Variants in GLI3 observed in about 807,000 individuals in gnomAD.
The protein encoded by GLI3 is transcription activator GLI3.
Under a neutral mutation model 100.8 loss-of-function variants are expected in GLI3, and 20 were observed. The observed-to-expected ratio is 0.20, with a 90% CI of 0.14 to 0.29. The LOEUF (loss-of-function observed/expected upper bound fraction) is 0.29, where lower values mean the gene tolerates loss of function less well. Among genes scored for constraint, GLI3 ranks in the 10% least tolerant of loss-of-function variants. The pLI is 1.00. For missense variants in GLI3, 2,040 were observed against 2,128.5 expected, an observed-to-expected ratio of 0.96 and a Z score of 0.82; for synonymous variants, 938 against 860.5, an observed-to-expected ratio of 1.09 and a Z score of -1.58.
intron 7 of GLI3, among the ~76,000 whole-genome samples, chr7:42,034,614 A>C (rs1419505210): frequency 6.6e-6 from 1 of 151,754 alleles, no homozygotes; most frequent in Admixed American, 6.6e-5. Flanking sequence ...TACTCCTCCC[A>C]CCTCAGGGCC....
intron 6 of GLI3, among the ~76,000 whole-genome samples, chr7:42,042,773 T>C (rs1195435869): frequency 1.3e-5 from 2 of 152,182 alleles, no homozygotes; most frequent in African/African-American, 4.8e-5. Context: ...CTGGAACCTT[T>C]CCTCTCTGTG....
chr7:42,076,868 G>A lies in GLI3; in HGVS notation c.368-11C>T, dbSNP rs756323364. The A allele has an allele frequency of 6.6e-7, 1 of 1,505,266 alleles. No individual in the cohort carries two copies. Among genetic ancestry groups the A allele is most frequent in the South Asian group, 1.1e-5 (1 of 88,818 alleles). The allele number at this position is 1,505,266 out of a possible 1,614,324, so 93.2% of individuals were successfully genotyped here. On this transcript the variant is annotated splice_polypyrimidine_tract_variant and intron_variant, in intron 3 of 14. Transcript: ENST00000395925. ...AAAGATGAGGAGGGTCTGAAAAGAA[G>A]AGAGAGCCCAATCTATATCAAATGA...
chr7:42,046,952 T>C lies in GLI3; in HGVS notation c.680-1422A>G, dbSNP rs529743502. Reference sequence around the variant, plus strand: ...GGGTAGATCGCTTGAGCTCAGGAGTTTGAGACCAGCATGGGCAACATGGCG... The same window carrying C: ...GGGTAGATCGCTTGAGCTCAGGAGTCTGAGACCAGCATGGGCAACATGGCG... On this transcript the variant is annotated intron_variant, in intron 5 of 14. Coordinates refer to ENST00000395925, the MANE Select transcript of GLI3 (RefSeq NM_000168.6). Among the ~76,000 whole-genome samples, 5 of 152,210 alleles carry C rather than the reference T, an allele frequency of 3.3e-5. No homozygotes were observed. The South Asian group carries it at 8.3e-4, about 25-fold the overall frequency.
rs193053365 is a variant in GLI3, at chr7:41,965,933, T to G, written c.3140A>C (p.Gln1047Pro). The G allele has an allele frequency of 5.0e-6, 8 of 1,613,048 alleles. No individual in the cohort carries two copies. The African/African-American group carries it at 1.1e-4, about 21-fold the overall frequency. The change falls in exon 15 of 15, where the codon CAG becomes CCG. Residue 1047 changes from glutamine to proline, a missense_variant. Gln to Pro is a moderately conservative substitution (Grantham distance 76, BLOSUM62 -1). Coordinates refer to ENST00000395925, the MANE Select transcript of GLI3 (RefSeq NM_000168.6). Reference sequence around the variant, plus strand: ...GCCGCCCTCGGGCCGCGTGTAATTCTGAAGCACGAGACTGCGCTTCTCCGC... The same window carrying G: ...GCCGCCCTCGGGCCGCGTGTAATTCGGAAGCACGAGACTGCGCTTCTCCGC... ...TSAEKRSLVL[Q>P]NYTRPEGGQS...
chr7:42,204,600 T>C (rs1406474521), intron 2 of GLI3, among the ~76,000 whole-genome samples: 1 of 152,174 alleles, frequency 6.6e-6, no homozygotes, highest in Non-Finnish European at 1.5e-5. Flanking sequence ...TCAATAAGTG[T>C]TTGTTGACTA....
At chr7:42,079,138 T>C (rs1326309597) in intron 3 of GLI3, among the ~76,000 whole-genome samples, 2 of 152,204 alleles carry the variant, frequency 1.3e-5, no homozygotes, top group African/African-American at 4.8e-5. Flanking sequence ...TTATTTGTAA[T>C]GTAAATATTG....
chr7:42,158,415 C>T (rs1156679234), intron 2 of GLI3, among the ~76,000 whole-genome samples: 2 of 152,148 alleles, frequency 1.3e-5, no homozygotes, highest in Non-Finnish European at 1.5e-5. Flanking sequence ...ACTATTAACC[C>T]CTAAAATGTG....
At chr7:42,093,065 C>T (rs896082331) in intron 3 of GLI3, among the ~76,000 whole-genome samples, 4 of 151,978 alleles carry the variant, frequency 2.6e-5, no homozygotes, top group Admixed American at 1.3e-4. Flanking sequence ...CCACCTGCCT[C>T]GGCCTCCCAG....
intron 3 of GLI3, among the ~76,000 whole-genome samples, chr7:42,141,696 G>T (rs1033228345): frequency 2.6e-5 from 4 of 152,070 alleles, no homozygotes; most frequent in Admixed American, 6.6e-5. Context: ...AAAAAATGCA[G>T]ATTTTACAAA....
intron 3 of GLI3, among the ~76,000 whole-genome samples, chr7:42,108,698 A>G (rs1423195046): frequency 6.6e-6 from 1 of 152,164 alleles, no homozygotes; most frequent in Non-Finnish European, 1.5e-5. Flanking sequence ...TAAGCCACAC[A>G]CACAAATAGA....
At chr7:42,239,112 G>A (rs911962689), upstream of GLI3, among the ~76,000 whole-genome samples, 4 of 152,178 alleles carry the variant, frequency 2.6e-5, no homozygotes, top group Non-Finnish European at 2.9e-5. Flanking sequence ...GGTAAGGTGG[G>A]GCTAAAGGCC....
Position 41,966,681 on chromosome 7 carries a change from TC to T in GLI3, c.2432-41del. 1 of 1,607,660 alleles carries T rather than the reference TC, an allele frequency of 6.2e-7. No homozygotes were observed. The highest frequency in any genetic ancestry group is 8.5e-7 in the Non-Finnish European group (1 of 1,175,358). ...AGGGAGAGACCATGCGGAGATGAAT[TC>T]CCTTCGAGCATGACTTACACCAGGC... On this transcript the variant is annotated intron_variant, in intron 14 of 14. Coordinates refer to ENST00000395925, the MANE Select transcript of GLI3 (RefSeq NM_000168.6). The surrounding 1 kb of genome is among the most constrained non-coding windows in gnomAD (Gnocchi z 5.8).
Position 41,964,167 on chromosome 7 carries a change from A to G in GLI3, c.*163T>C. The G allele has an allele frequency of 1.6e-6, 1 of 618,652 alleles. No individual in the cohort carries two copies. Among genetic ancestry groups the G allele is most frequent in the Non-Finnish European group, 2.8e-6 (1 of 354,508 alleles). The allele number at this position is 618,652 out of a possible 1,614,324, so 38.3% of individuals were successfully genotyped here. The stretch of plus-strand genomic sequence containing the variant: ...TCCCTAGAATACTTTAGGGTTTTTC[A>G]GAGTCCTTTTCCATAAAAGGAATAT... On this transcript the variant is annotated 3_prime_UTR_variant, in exon 15 of 15. Coordinates refer to ENST00000395925, the MANE Select transcript of GLI3 (RefSeq NM_000168.6).
intron 3 of GLI3, among the ~76,000 whole-genome samples, chr7:42,121,139 C>T (rs557651261): frequency 6.6e-6 from 1 of 152,354 alleles, no homozygotes; most frequent in East Asian, 1.9e-4. Context: ...AATCACACCT[C>T]CCCACCTGCC....
intron 3 of GLI3, among the ~76,000 whole-genome samples, chr7:42,120,575 T>C (rs1161822370): frequency 1.3e-5 from 2 of 152,220 alleles, no homozygotes; most frequent in Non-Finnish European, 2.9e-5. Flanking sequence ...CGAGGTACTG[T>C]TTATTACCCC....
intron 1 of GLI3, among the ~76,000 whole-genome samples, chr7:42,233,354 C>A (rs1404135559): frequency 6.6e-6 from 1 of 152,202 alleles, no homozygotes; most frequent in African/African-American, 2.4e-5. Context: ...AATCTGCAAA[C>A]TGTGAGAGTC....
chr7:42,012,187 G>A (rs565177997), intron 10 of GLI3, among the ~76,000 whole-genome samples: 5 of 152,314 alleles, frequency 3.3e-5, no homozygotes, highest in Non-Finnish European at 5.9e-5. Context: ...TATGGATCAC[G>A]TCACAATCTA....
chr7:41,967,188 T>A (rs1251769764), intron 14 of GLI3, among the ~76,000 whole-genome samples: 1 of 152,210 alleles, frequency 6.6e-6, no homozygotes, highest in Non-Finnish European at 1.5e-5. Context: ...CAAACTGACC[T>A]GGGGACTGAC....
chr7:41,977,739 A>C lies in GLI3; in HGVS notation c.1648-17T>G. On this transcript the variant is annotated splice_polypyrimidine_tract_variant and intron_variant, in intron 11 of 14. Transcript: ENST00000395925. The stretch of plus-strand genomic sequence containing the variant: ...ACCTTCAAACTGAGGACAACAGGTA[A>C]ATCTGGATTACTCTGCACAATGGCA... 1 of 1,612,428 alleles carries C rather than the reference A, an allele frequency of 6.2e-7. No homozygotes were observed.
Sources: allele counts gnomAD v4.1 joint callset (sites outside exome capture counted in the v4.1 genomes callset), GRCh38; gene constraint gnomAD v4.1.1; non-coding constraint Gnocchi (gnomAD v3.1); transcripts MANE v1.5; gene names NCBI Gene and HGNC (gene_info 2026-07-23, HGNC 2026-07-21).